The following PCDHA1 variants were observed in gnomAD, a reference collection of about 807,000 sequenced individuals.
PCDHA1 encodes protocadherin alpha-1.
PCDHA1 carries 42 observed loss-of-function variants against 61.3 expected under a neutral mutation model. That is an observed-to-expected ratio of 0.69 (90% CI 0.54 to 0.89). The LOEUF (loss-of-function observed/expected upper bound fraction) is 0.89. PCDHA1 is among the 40% of genes least tolerant of loss of function. The pLI, the probability that PCDHA1 is intolerant of heterozygous loss-of-function variation, is 0.00. For missense variants in PCDHA1, 1,256 were observed against 1,235.3 expected (o/e 1.02, Z -0.25); for synonymous variants, 610 against 553.8 (o/e 1.10, Z -1.43).
rs145248721 is a variant in PCDHA1 at position 140,849,849 on chromosome 5, G to A, written c.2394+61165G>A. 13 of 1,598,556 alleles carry A rather than the reference G, an allele frequency of 8.1e-6. 1 individual carries two copies. The South Asian group carries it at 1.1e-4, about 14-fold the overall frequency. On this transcript the variant is annotated intron_variant, in intron 1 of 3. Coordinates refer to ENST00000504120, the MANE Select transcript of PCDHA1 (RefSeq NM_018900.4). Reference sequence around the variant, plus strand: ...GGAGGTGGCCGACGTGAACGACAACGCACCAGCGTTCGCGCAGTCCGAGTA... The same window carrying A: ...GGAGGTGGCCGACGTGAACGACAACACACCAGCGTTCGCGCAGTCCGAGTA...
chr5:140,952,176 C>G (rs1300041660), intron 1 of PCDHA1, among the ~76,000 whole-genome samples: 1 of 152,058 alleles, frequency 6.6e-6, no homozygotes, highest in African/African-American at 2.4e-5. Flanking sequence ...GTTCCTGCAG[C>G]TGCTCTCATG....
At chr5:140,943,277 AG>A (rs199866143) in intron 1 of PCDHA1, among the ~76,000 whole-genome samples, 16,429 of 127,604 alleles carry the variant, frequency 0.13, 1,638 homozygotes, top group African/African-American at 0.18. Flanking sequence ...AAAAAAAAAA[AG>A]AAAGAAAGAA....
intron 1 of PCDHA1, among the ~76,000 whole-genome samples, chr5:140,944,988 G>A (rs1554216650): frequency 6.6e-6 from 1 of 152,048 alleles, no homozygotes; most frequent in Non-Finnish European, 1.5e-5. Flanking sequence ...GTCTACTTCT[G>A]TAACGGTTGT....
At chr5:140,800,940 T>G in intron 1 of PCDHA1, 1 of 1,006,206 alleles carries the variant, frequency 9.9e-7, no homozygotes, top group East Asian at 3.4e-5. Context: ...TTTGGGAAAG[T>G]TCAAACGACA....
intron 1 of PCDHA1, among the ~76,000 whole-genome samples, chr5:140,951,315 C>A (rs782114634): frequency 6.6e-6 from 1 of 151,988 alleles, no homozygotes; most frequent in Non-Finnish European, 1.5e-5. Context: ...ATGTGTTATT[C>A]TTGAGATTCA....
intron 1 of PCDHA1, chr5:140,836,375 C>T (rs2150258961): frequency 4.3e-6 from 7 of 1,613,712 alleles, no homozygotes; most frequent in South Asian, 1.1e-5. Context: ...CCACAGCCAC[C>T]GTGCTGGTGT....
chr5:140,854,193 C>T (rs989719684), intron 1 of PCDHA1: 2 of 563,742 alleles, frequency 3.5e-6, no homozygotes, highest in African/African-American at 2.1e-5. Flanking sequence ...TTTAACTACT[C>T]CCTACTTTTT....
chr5:140,992,216 C>G (rs1554252754), intron 3 of PCDHA1, among the ~76,000 whole-genome samples: 1 of 152,100 alleles, frequency 6.6e-6, no homozygotes, highest in African/African-American at 2.4e-5. Flanking sequence ...AAACTACTCT[C>G]CCTTCCTGGG....
chr5:140,909,117 G>T lies in PCDHA1; in HGVS notation c.2395-69832G>T, dbSNP rs576916273. Among the ~76,000 whole-genome samples the T allele has an allele frequency of 1.1e-4, 16 of 152,272 alleles. No homozygotes were observed. The South Asian group carries it at 3.1e-3, about 30-fold the overall frequency. On this transcript the variant is annotated intron_variant, in intron 1 of 3. Transcript: ENST00000504120. ...ACTCACTGGGTCCAATCAGCAAAAT[G>T]TCATCAAGGTAATGAACCAGTGTGA...
chr5:140,823,194 C>A (rs1767597632), intron 1 of PCDHA1: 1 of 1,613,896 alleles, frequency 6.2e-7, no homozygotes, highest in Non-Finnish European at 8.5e-7. Context: ...GCTGCCACAT[C>A]TTCACGGTGT....
At chr5:140,853,065 G>A in intron 1 of PCDHA1, 1 of 280,750 alleles carries the variant, frequency 3.6e-6, no homozygotes, top group Non-Finnish European at 5.5e-6. Context: ...ATTTTTAGTA[G>A]AGATGGGGTT....
In PCDHA1 at chr5:140,870,903, A is replaced by C. The variant is rs182770106; in HGVS notation, c.2394+82219A>C. On this transcript the variant is annotated intron_variant, in intron 1 of 3. Transcript: ENST00000504120. ...AGGTGCGCGCAGTGGATGCGGACTCAGGCTACAACGCGTGGCTTTCATATG... is the reference window on the plus strand; with the variant it reads ...AGGTGCGCGCAGTGGATGCGGACTCCGGCTACAACGCGTGGCTTTCATATG... 3.9e-4 allele frequency: 622 copies of C among 1,613,930 alleles called. 2 individuals carry two copies. The highest frequency in any genetic ancestry group is 2.8e-3 in the Middle Eastern group (17 of 6,060).
At position 140,886,849 on chromosome 5, in the gene PCDHA1, A is replaced by G. The variant is rs541841964; in HGVS notation, c.2395-92100A>G. ...CTTGAAAAAAAAAAAAAAAAAAAAG[A>G]AAGGTCTTCCCAACTCCTATATTGA... On this transcript the variant is annotated intron_variant, in intron 1 of 3. Coordinates refer to ENST00000504120, the MANE Select transcript of PCDHA1 (RefSeq NM_018900.4). Among the ~76,000 whole-genome samples, 4 of 150,006 alleles carry G rather than the reference A, an allele frequency of 2.7e-5. No homozygotes were observed. The East Asian group carries it at 7.8e-4, about 29-fold the overall frequency.
chr5:140,987,858 T>C (rs1203158352), intron 3 of PCDHA1, among the ~76,000 whole-genome samples: 1 of 152,142 alleles, frequency 6.6e-6, no homozygotes, highest in African/African-American at 2.4e-5. Context: ...CCACATCTCT[T>C]TACTCTGTGG....
intron 1 of PCDHA1, chr5:140,876,770 C>T (rs2056573777): frequency 6.2e-7 from 1 of 1,614,248 alleles, no homozygotes; most frequent in Non-Finnish European, 8.5e-7. Context: ...GGGGGCTCGC[C>T]TTCGCTGTGG....
At chr5:140,828,782 A>T (rs2150158879) in intron 1 of PCDHA1, 14 of 1,614,250 alleles carry the variant, frequency 8.7e-6, no homozygotes, top group Non-Finnish European at 7.6e-6. Flanking sequence ...GCTGCTGGTC[A>T]CAGTGCTGGA....
At chr5:140,909,977 G>A (rs1554194042) in intron 1 of PCDHA1, among the ~76,000 whole-genome samples, 2 of 152,214 alleles carry the variant, frequency 1.3e-5, no homozygotes, top group African/African-American at 4.8e-5. Flanking sequence ...AAGGATGGGA[G>A]AAAGACTAAC....
chr5:140,807,030 A>C (rs1460572101), intron 1 of PCDHA1: 2 of 890,730 alleles, frequency 2.2e-6, no homozygotes, highest in Admixed American at 2.5e-5. Context: ...AGAAGGAGGA[A>C]GAAGGGAAAA....
At chr5:140,834,129 A>G in intron 1 of PCDHA1, 1 of 450,824 alleles carries the variant, frequency 2.2e-6, no homozygotes, top group Non-Finnish European at 3.9e-6. Context: ...AAAACTTTTC[A>G]TCTGATTAAT....
Sources: allele counts gnomAD v4.1 joint callset (sites outside exome capture counted in the v4.1 genomes callset), GRCh38; gene constraint gnomAD v4.1.1; transcripts MANE v1.5; gene names NCBI Gene and HGNC (gene_info 2026-07-23, HGNC 2026-07-21).